Variants in OSBPL10 observed in about 807,000 individuals in gnomAD.
OSBPL10 encodes oxysterol binding protein like 10.
A neutral mutation model predicts 81.7 loss-of-function variants in OSBPL10; 49 were observed. The observed-to-expected ratio is 0.60, with a 90% confidence interval of 0.48 to 0.76. The LOEUF (loss-of-function observed/expected upper bound fraction) is 0.76. OSBPL10 is among the 30% of genes least tolerant of loss of function. The pLI is 0.00. For missense variants in OSBPL10, 923 were observed against 987.8 expected (o/e 0.93, Z 0.88); for synonymous variants, 419 against 383.6 (o/e 1.09, Z -1.08).
chr3:31,732,113 C>T (rs1696989713), intron 6 of OSBPL10, among the ~76,000 whole-genome samples: 1 of 152,186 alleles, frequency 6.6e-6, no homozygotes, highest in African/African-American at 2.4e-5. Flanking sequence ...CACACGGTTG[C>T]CAACTTACCT....
Position 31,952,929 on chromosome 3 carries a change from CTTTT to C in OSBPL10, c.281+27966_281+27969del, listed in dbSNP as rs57873437. ...ATGAAATTTTTGTAAAATCTTCCTA[CTTTT>C]TTTTTTTTTTTTTTTTTGAGACGGA... On this transcript the variant is annotated intron_variant, in intron 1 of 11. Transcript: ENST00000396556. Among the ~76,000 whole-genome samples the C allele has an allele frequency of 1.5e-4, 18 of 116,540 alleles. No individual in the cohort carries two copies. The South Asian group carries it at 2.6e-3, about 17-fold the overall frequency. 76.5% of individuals were successfully genotyped at this position (116,540 alleles called of 152,430 possible).
At chr3:31,756,824 T>C (rs1299621527) in intron 4 of OSBPL10, among the ~76,000 whole-genome samples, 1 of 152,240 alleles carries the variant, frequency 6.6e-6, no homozygotes, top group East Asian at 1.9e-4. Flanking sequence ...AAACCTCCTC[T>C]TGGCTTTCAC....
chr3:31,920,585 A>G lies in OSBPL10; in HGVS notation c.282-40755T>C, dbSNP rs548518898. 7.0e-4 allele frequency among the ~76,000 whole-genome samples: 106 copies of G among 152,328 alleles called. 1 individual carries two copies. Among genetic ancestry groups the G allele is most frequent in the Admixed American group, 2.2e-3 (33 of 15,302 alleles). ...CATGTGTACTGGAACTAAACAATTA[A>G]GTAGATGGATGGTAGATGGTAGAGG... On this transcript the variant is annotated intron_variant, in intron 1 of 11. Coordinates refer to ENST00000396556, the MANE Select transcript of OSBPL10 (RefSeq NM_017784.5).
intron 3 of OSBPL10, among the ~76,000 whole-genome samples, chr3:31,831,741 A>G (rs1376740638): frequency 6.6e-6 from 1 of 152,240 alleles, no homozygotes; most frequent in Non-Finnish European, 1.5e-5. Context: ...TGAGTACACA[A>G]TCTGTCAACA....
At chr3:31,889,961 T>C (rs1012737566) in intron 1 of OSBPL10, among the ~76,000 whole-genome samples, 1 of 152,064 alleles carries the variant, frequency 6.6e-6, no homozygotes, top group African/African-American at 2.4e-5. Flanking sequence ...ATAATGTTTC[T>C]TAAAGTTTGG....
chr3:31,959,567 G>C (rs1289517480), intron 1 of OSBPL10, among the ~76,000 whole-genome samples: 1 of 152,176 alleles, frequency 6.6e-6, no homozygotes, highest in Non-Finnish European at 1.5e-5. Context: ...CAGAACATCA[G>C]ATGAGTCTCA....
chr3:31,745,580 A>G (rs1575516848), intron 5 of OSBPL10, among the ~76,000 whole-genome samples: 1 of 152,164 alleles, frequency 6.6e-6, no homozygotes, highest in Non-Finnish European at 1.5e-5. Context: ...GAGCCCACTG[A>G]GTGGTTGTTC....
intron 1 of OSBPL10, among the ~76,000 whole-genome samples, chr3:31,882,170 C>T (rs972239742): frequency 1.3e-5 from 2 of 152,116 alleles, no homozygotes; most frequent in Admixed American, 6.5e-5. Context: ...CATGACTGCC[C>T]GGGTGGCAGT....
intron 1 of OSBPL10, among the ~76,000 whole-genome samples, chr3:31,913,576 G>T (rs747901346): frequency 6.6e-6 from 1 of 152,070 alleles, no homozygotes; most frequent in Non-Finnish European, 1.5e-5. Flanking sequence ...ACCTAAATAG[G>T]AGAAAAGCAA....
chr3:31,876,508 A>G lies in OSBPL10; in HGVS notation c.462T>C (p.Ala154=). 1 of 1,611,640 alleles carries G rather than the reference A, an allele frequency of 6.2e-7. No individual in the cohort carries two copies. Residue 154 remains alanine, a synonymous_variant, in exon 3 of 12, where the codon GCT becomes GCC. Coordinates refer to ENST00000396556, the MANE Select transcript of OSBPL10 (RefSeq NM_017784.5). ...CCCAGAATTGTTTCTCTTTTGCATC[A>G]GCAGCTAAAATAGAGAAAACAGAGA... ...ANGEMFKLRA[A]DAKEKQFWVT...
intron 3 of OSBPL10, among the ~76,000 whole-genome samples, chr3:31,840,520 A>G (rs757645568): frequency 9.2e-5 from 14 of 152,222 alleles, no homozygotes; most frequent in African/African-American, 2.9e-4. Flanking sequence ...AATCCCACTA[A>G]TTACTATTCC....
intron 6 of OSBPL10, among the ~76,000 whole-genome samples, chr3:31,727,338 T>C (rs1215829613): frequency 6.6e-6 from 1 of 151,956 alleles, no homozygotes; most frequent in Non-Finnish European, 1.5e-5. Context: ...GGAATGGCCA[T>C]TTGACTCCTA....
chr3:31,879,751 C>T lies in OSBPL10; in HGVS notation c.361G>A (p.Val121Ile). The T allele has an allele frequency of 6.2e-7, 1 of 1,614,186 alleles. No homozygotes were observed. The highest frequency in any genetic ancestry group is 8.5e-7 in the Non-Finnish European group (1 of 1,180,036). The change falls in exon 2 of 12, where the codon GTC (valine) becomes ATC (isoleucine). Residue 121 changes from valine to isoleucine, a missense_variant. By Grantham distance (29) the Val-to-Ile change is conservative. Around this residue, in one of 3 missense-constraint regions of OSBPL10, gnomAD observed 514 missense variants for 508.0 expected, o/e 1.01. Transcript: ENST00000396556. ...ACTATGGCTCCAGATAAAGACAGGA[C>T]TCCTCGAGGCTTCTGGTGTTTGCTT... Reference protein sequence around the residue: ...EQSKHQKPRGVLSLSGAIVSL... With the variant: ...EQSKHQKPRGILSLSGAIVSL...
At chr3:31,869,630 C>T (rs1287736512) in intron 3 of OSBPL10, among the ~76,000 whole-genome samples, 1 of 152,160 alleles carries the variant, frequency 6.6e-6, no homozygotes, top group Admixed American at 6.5e-5. Flanking sequence ...GGGGGTGAAC[C>T]TTTCTATTCA....
chr3:31,981,020 T>A lies in OSBPL10; in HGVS notation c.160A>T (p.Ser54Cys), dbSNP rs1407852826. 1 of 1,472,274 alleles carries A rather than the reference T, an allele frequency of 6.8e-7. No individual in the cohort carries two copies. Among genetic ancestry groups the A allele is most frequent in the South Asian group, 1.3e-5 (1 of 74,894 alleles). The allele number at this position is 1,472,274 out of a possible 1,614,324, so 91.2% of individuals were successfully genotyped here. The change falls in exon 1 of 12, where the codon AGC becomes TGC. Residue 54 changes from serine (S) to cysteine (C), a missense_variant. Ser to Cys is a moderately radical substitution (Grantham distance 112). Coordinates refer to ENST00000396556, the MANE Select transcript of OSBPL10 (RefSeq NM_017784.5). The surrounding 1 kb of genome is among the most constrained non-coding windows in gnomAD (Gnocchi z 4.5). ...GCCACAGAGCCCGGGCTGCTGCGGC[T>A]TCCCCCGCCGCCGAGCCCGGCCGCC... ...SAAAGLGGGG[S>C]RSSPGSVAAS...
intron 3 of OSBPL10, among the ~76,000 whole-genome samples, chr3:31,874,747 T>G (rs1374856064): frequency 6.6e-6 from 1 of 152,122 alleles, no homozygotes; most frequent in South Asian, 2.1e-4. Context: ...CTTACAGAAC[T>G]GGTGGGAGTA....
chr3:31,861,631 C>T (rs1436009748), intron 3 of OSBPL10, among the ~76,000 whole-genome samples: 5 of 152,288 alleles, frequency 3.3e-5, no homozygotes, highest in Middle Eastern at 3.4e-3. Context: ...TTATTGGCCT[C>T]TTTGGTGACA....
intron 11 of OSBPL10, 182 bp downstream of exon 11, chr3:31,663,897 T>G: frequency 6.8e-7 from 1 of 1,479,280 alleles, no homozygotes; most frequent in Non-Finnish European, 8.9e-7. Context: ...TCATGAATAT[T>G]GTGGCAGAAA....
Position 32,063,105 on chromosome 3 carries a change from T to C in OSBPL10, n.185+14291A>G, listed in dbSNP as rs941468815. On this transcript the variant is annotated intron_variant and non_coding_transcript_variant, in intron 1 of 3. Coordinates refer to the OSBPL10 transcript ENST00000479173. ...GCAGTGGGATGTAATAAAACTTGAA[T>C]TGCAGTCCTGAATCATTTCTGGGTT... Among the ~76,000 whole-genome samples, 5 of 93,556 alleles carry C rather than the reference T, an allele frequency of 5.3e-5. 2 individuals carry two copies. Among genetic ancestry groups the C allele is most frequent in the Admixed American group, 2.6e-4 (2 of 7,684 alleles). 61.4% of individuals were successfully genotyped at this position (93,556 alleles called of 152,430 possible). A position where few individuals can be genotyped will look rare whatever the true frequency, so the allele number is the denominator to read the frequency against.
Sources: gnomAD v4.1 joint callset for allele counts (sites outside exome capture counted in the v4.1 genomes callset) on GRCh38, gnomAD v4.1.1 for gene constraint, gnomAD v4.1.1 regional missense constraint, Gnocchi (gnomAD v3.1) non-coding constraint, MANE v1.5 for transcripts, NCBI Gene and HGNC (gene_info 2026-07-23, HGNC 2026-07-21) for gene names.